The following PCDH7 variants were observed in gnomAD, a reference collection of about 807,000 sequenced individuals.
The protein encoded by PCDH7 is protocadherin-7.
PCDH7 carries 17 observed loss-of-function variants against 58.9 expected under a neutral mutation model. The observed-to-expected ratio is 0.29, with a 90% CI of 0.20 to 0.43. The LOEUF (loss-of-function observed/expected upper bound fraction) is 0.43. Among genes scored for constraint, PCDH7 ranks in the 20% least tolerant of loss-of-function variants. The probability of loss-of-function intolerance (pLI) is 1.00; values close to 1 mark genes in which losing one functional copy is unlikely to be tolerated. For missense variants in PCDH7, 1,274 were observed against 1,441.0 expected (o/e 0.88, Z 1.88); for synonymous variants, 664 against 616.4 (o/e 1.08, Z -1.14).
chr4:31,067,069 A>G (rs1758149500), intron 3 of PCDH7, among the ~76,000 whole-genome samples: 1 of 151,974 alleles, frequency 6.6e-6, no homozygotes, highest in Non-Finnish European at 1.5e-5. Context: ...TCACAAGCCC[A>G]AGTTTTAGTT....
exon 2 of PCDH7, chr4:30,731,555 A>G (rs1387243874): frequency 6.6e-6 from 1 of 152,164 alleles, no homozygotes; most frequent in Non-Finnish European, 1.5e-5. Flanking sequence ...AAAATTTAGA[A>G]CTTTTCACTT....
At chr4:30,858,535 G>A (rs959211507) in intron 1 of PCDH7, among the ~76,000 whole-genome samples, 4 of 152,178 alleles carry the variant, frequency 2.6e-5, no homozygotes, top group African/African-American at 9.7e-5. Flanking sequence ...ATTTATCACT[G>A]AAGTTATATT....
intron 3 of PCDH7, among the ~76,000 whole-genome samples, chr4:31,074,691 G>T (rs995073757): frequency 7.0e-6 from 1 of 143,548 alleles, no homozygotes; most frequent in Non-Finnish European, 1.5e-5. Context: ...GGCTAAGGCA[G>T]TAGAATTGCT....
At chr4:30,807,927 C>T (rs894443233) in intron 1 of PCDH7, among the ~76,000 whole-genome samples, 14 of 152,104 alleles carry the variant, frequency 9.2e-5, no homozygotes, top group African/African-American at 3.4e-4. Flanking sequence ...ACCCAGGTTT[C>T]GTTTTTCATG....
intron 1 of PCDH7, among the ~76,000 whole-genome samples, chr4:30,802,167 G>A (rs1048838720): frequency 2.0e-5 from 3 of 152,154 alleles, no homozygotes; most frequent in Admixed American, 6.5e-5. Flanking sequence ...TCAAATTCAC[G>A]CAGGTTAGTA....
chr4:30,728,717 A>G (rs1715007106), intron 1 of PCDH7, among the ~76,000 whole-genome samples: 1 of 151,792 alleles, frequency 6.6e-6, no homozygotes, highest in Admixed American at 6.6e-5. Flanking sequence ...TAGATGTAAG[A>G]CCACAAAGTC....
At chr4:30,986,912 C>T (rs771124334) in intron 3 of PCDH7, among the ~76,000 whole-genome samples, 35 of 151,322 alleles carry the variant, frequency 2.3e-4, no homozygotes, top group Admixed American at 5.3e-4. Context: ...ACCTGGGAGG[C>T]GGAGGTTGCA....
At position 31,073,256 on chromosome 4, in the gene PCDH7, G is replaced by T. The variant is rs145868533; in HGVS notation, c.*8-69217G>T. On this transcript the variant is annotated intron_variant, in intron 3 of 3. Coordinates refer to the PCDH7 transcript ENST00000509759. ...AAGCATCTGAGCAGAGAAGCAAAAAGATCTTATTTGAATGTTAGAACCATT... is the reference window on the plus strand; with the variant it reads ...AAGCATCTGAGCAGAGAAGCAAAAATATCTTATTTGAATGTTAGAACCATT... Among the ~76,000 whole-genome samples, 987 of 152,232 alleles carry T rather than the reference G, an allele frequency of 6.5e-3. 11 individuals are homozygous for T. Among genetic ancestry groups the T allele is most frequent in the African/African-American group, 0.023 (935 of 41,538 alleles).
rs1215011737 is a variant in PCDH7, at chr4:31,094,070, C to G, written c.*8-48403C>G. On this transcript the variant is annotated intron_variant, in intron 3 of 3. Transcript: ENST00000509759. ...TCCATCTGTACAATTTCCACATCCT[C>G]AAAATACTGATCATAACACTTGCCT... Among the ~76,000 whole-genome samples the G allele has an allele frequency of 1.2e-4, 19 of 152,070 alleles. 1 individual carries two copies. Among genetic ancestry groups the G allele is most frequent in the Admixed American group, 1.2e-3 (19 of 15,242 alleles).
chr4:30,759,513 A>C (rs2109267237), intron 1 of PCDH7, among the ~76,000 whole-genome samples: 1 of 152,322 alleles, frequency 6.6e-6, no homozygotes, highest in East Asian at 1.9e-4. Context: ...CTCAAGAGAA[A>C]GATAAAGTTC....
chr4:31,039,948 A>G (rs1755716992), intron 3 of PCDH7, among the ~76,000 whole-genome samples: 1 of 152,150 alleles, frequency 6.6e-6, no homozygotes, highest in African/African-American at 2.4e-5. Context: ...ATCTGCACTC[A>G]GTTTAAAGGT....
At chr4:31,144,493 G>A (rs16884422), downstream of PCDH7, 7,405 of 152,248 alleles carry the variant, frequency 0.049, 339 homozygotes, top group African/African-American at 0.12. Context: ...CAGGTGTGAA[G>A]AGAACAAACT....
chr4:31,127,581 A>G lies in PCDH7; in HGVS notation c.*8-14892A>G, dbSNP rs78399717. Among the ~76,000 whole-genome samples, 1,088 of 152,296 alleles carry G rather than the reference A, an allele frequency of 7.1e-3. 13 individuals carry two copies. The highest frequency in any genetic ancestry group is 0.024 in the African/African-American group (996 of 41,564). ...GTGAATTATGAGTAGGTTCATCACA[A>G]TTACACCTAATTCTAGAAAATTGAA... On this transcript the variant is annotated intron_variant, in intron 3 of 3. Coordinates refer to the PCDH7 transcript ENST00000509759.
intron 1 of PCDH7, among the ~76,000 whole-genome samples, chr4:30,903,779 T>C (rs1740531033): frequency 6.6e-6 from 1 of 152,164 alleles, no homozygotes; most frequent in Non-Finnish European, 1.5e-5. Flanking sequence ...AGAACCAAAA[T>C]GTAAATTTGC....
chr4:31,137,498 C>T (rs1578895223), intron 3 of PCDH7, among the ~76,000 whole-genome samples: 2 of 152,178 alleles, frequency 1.3e-5, no homozygotes, highest in Admixed American at 6.5e-5. Context: ...ACATGAGAAT[C>T]GCTTGAACCC....
chr4:31,096,506 T>C lies in PCDH7; in HGVS notation c.*8-45967T>C, dbSNP rs960283770. On this transcript the variant is annotated intron_variant, in intron 3 of 3. Coordinates refer to the PCDH7 transcript ENST00000509759. ...CAATTAAATTAAAGGGTAGCAAATT[T>C]AGAGTTTCTTTTTGTAGCATGTAAT... 3.3e-5 allele frequency among the ~76,000 whole-genome samples: 5 copies of C among 152,284 alleles called. No individual in the cohort carries two copies. In the East Asian group the frequency reaches 9.7e-4, roughly 29 times the overall value.
intron 3 of PCDH7, among the ~76,000 whole-genome samples, chr4:31,127,812 G>A (rs1718477471): frequency 6.6e-6 from 1 of 151,958 alleles, no homozygotes; most frequent in East Asian, 1.9e-4. Flanking sequence ...GACATTGTGT[G>A]CATATTAAAA....
intron 1 of PCDH7, among the ~76,000 whole-genome samples, chr4:30,902,562 C>T (rs530549744): frequency 3.9e-5 from 6 of 151,922 alleles, no homozygotes; most frequent in Non-Finnish European, 8.8e-5. Context: ...TTTTAATAGG[C>T]TATAATAAAT....
At position 30,722,497 on chromosome 4, in the gene PCDH7, C is replaced by A. The variant is rs1247145120; in HGVS notation, c.1075C>A (p.Arg359Ser). Residue 359 changes from arginine (R) to serine (S), a missense_variant, in exon 1 of 2, where the codon CGC (arginine) becomes AGC (serine). This residue lies in a region of PCDH7 where 331 missense variants were observed against 303.2 expected (regional missense o/e 1.09). Transcript: ENST00000361762. This position sits in a 1 kb window ranked among gnomAD's most constrained non-coding sequence, Gnocchi z 7.6. The stretch of plus-strand genomic sequence containing the variant: ...CACCGAGTCGGTGAGGCGGCTGCTG[C>A]GCCTTGACGAGACGTCCGGCTGGCT... The A allele has an allele frequency of 1.2e-6, 2 of 1,608,946 alleles. No homozygotes were observed. The highest frequency in any genetic ancestry group is 1.7e-5 in the Admixed American group (1 of 59,540).
Sources: gnomAD v4.1 joint callset for allele counts (sites outside exome capture counted in the v4.1 genomes callset) on GRCh38, gnomAD v4.1.1 for gene constraint, gnomAD v4.1.1 regional missense constraint, Gnocchi (gnomAD v3.1) non-coding constraint, MANE v1.5 for transcripts, NCBI Gene and HGNC (gene_info 2026-07-23, HGNC 2026-07-21) for gene names.